ARHGEF11: variants seen among roughly 807,000 people sequenced by gnomAD.
ARHGEF11 encodes Rho guanine nucleotide exchange factor 11.
A neutral mutation model predicts 193.7 loss-of-function variants in ARHGEF11; 55 were observed. The observed-to-expected ratio is 0.28, with a 90% CI of 0.23 to 0.36. The LOEUF is 0.36. Ranked by LOEUF, ARHGEF11 falls within the 10% of genes least tolerant of loss-of-function variation. The probability of loss-of-function intolerance (pLI) is 1.00; values close to 1 mark genes in which losing one functional copy is unlikely to be tolerated. For missense variants in ARHGEF11, 1,723 were observed against 2,005.6 expected (o/e 0.86, Z 2.69); for synonymous variants, 693 against 768.0 (o/e 0.90, Z 1.62).
intron 1 of ARHGEF11, among the ~76,000 whole-genome samples, chr1:157,006,239 T>C (rs1431957774): frequency 6.6e-6 from 1 of 152,078 alleles, no homozygotes; most frequent in African/African-American, 2.4e-5. Flanking sequence ...CCCAAAGCAC[T>C]AGGATTATAG....
chr1:157,013,954 G>A (rs928531684), intron 1 of ARHGEF11, among the ~76,000 whole-genome samples: 23 of 152,088 alleles, frequency 1.5e-4, no homozygotes, highest in Non-Finnish European at 3.4e-4. Context: ...ACTAGCTCTG[G>A]AGAAAAGCTC....
At position 156,937,437 on chromosome 1, in the gene ARHGEF11, C is replaced by T. The variant is rs1479355873; in HGVS notation, c.4252G>A (p.Glu1418Lys). Residue 1418 changes from glutamate to lysine, a missense_variant, in exon 39 of 41, where the codon GAG (glutamate) becomes AAG (lysine). Physicochemically the swap from Glu to Lys is moderately conservative, Grantham distance 56 (BLOSUM62 1). Transcript: ENST00000368194. Reference protein sequence around the residue: ...GPPDSSTDHSEAPMSPPQPDS... With the variant: ...GPPDSSTDHSKAPMSPPQPDS... Reference sequence around the variant, plus strand: ...GGCTGAGGGGGGCTCATGGGTGCCTCTGAGTGGTCGGTGCTTGAGTCCGGG... The same window carrying T: ...GGCTGAGGGGGGCTCATGGGTGCCTTTGAGTGGTCGGTGCTTGAGTCCGGG... The T allele has an allele frequency of 1.3e-6, 2 of 1,569,462 alleles. No individual in the cohort carries two copies. Among genetic ancestry groups the T allele is most frequent in the Admixed American group, 3.8e-5 (2 of 52,500 alleles).
At chr1:156,989,466 C>T (rs1173792756) in intron 1 of ARHGEF11, among the ~76,000 whole-genome samples, 2 of 152,134 alleles carry the variant, frequency 1.3e-5, no homozygotes, top group African/African-American at 4.8e-5. Context: ...TATCATTTCT[C>T]TCCTTATTAT....
chr1:156,997,855 T>A (rs528319799), intron 1 of ARHGEF11, among the ~76,000 whole-genome samples: 9 of 152,222 alleles, frequency 5.9e-5, no homozygotes, highest in Admixed American at 2.0e-4. Flanking sequence ...CTGTATTATT[T>A]TTTTTTTTAC....
At chr1:156,949,345 T>C (rs1009411184) in intron 22 of ARHGEF11, among the ~76,000 whole-genome samples, 1 of 152,142 alleles carries the variant, frequency 6.6e-6, no homozygotes, top group South Asian at 2.1e-4. Flanking sequence ...CCCAGGATGG[T>C]CACCCCACCT....
chr1:156,977,203 TA>T, intron 6 of ARHGEF11, 149 bp from the exon 7 acceptor site: 1 of 698,450 alleles, frequency 1.4e-6, no homozygotes, highest in African/African-American at 1.8e-5. Flanking sequence ...CGGAATGCAG[TA>T]AACACAAAAT....
At chr1:156,951,767 TC>T (rs1557846970) in intron 21 of ARHGEF11, 68 bp from the exon 22 acceptor site, 1 of 1,597,342 alleles carries the variant, frequency 6.3e-7, no homozygotes, top group Non-Finnish European at 8.6e-7. Flanking sequence ...GGCTTGGACT[TC>T]CCCAGATCCC....
At position 156,936,810 on chromosome 1, in the gene ARHGEF11, A is replaced by C. The variant is rs779505757; in HGVS notation, c.4630+6T>G. The C allele has an allele frequency of 6.2e-7, 1 of 1,611,106 alleles. No homozygotes were observed. Among genetic ancestry groups the C allele is most frequent in the Non-Finnish European group, 8.5e-7 (1 of 1,178,080 alleles). ...TAGGAACCGAGAGGGACCTGGCTTC[A>C]CTCACCATCCTCAGGGCAGGGCCCC... On this transcript the variant is annotated splice_donor_region_variant and intron_variant, in intron 40 of 40. Transcript: ENST00000368194.
In ARHGEF11 at chr1:156,939,621, T is replaced by C. The variant is rs968849731; in HGVS notation, c.4023A>G (p.Pro1341=). 5.0e-6 allele frequency: 8 copies of C among 1,613,642 alleles called. No homozygotes were observed. The highest frequency in any genetic ancestry group is 5.9e-6 in the Non-Finnish European group (7 of 1,180,042). Residue 1341 remains proline (P), a synonymous_variant, in exon 37 of 41, where the codon CCA becomes CCG. Coordinates refer to ENST00000368194, the MANE Select transcript of ARHGEF11 (RefSeq NM_198236.3). ...CTTCAGCCAGATTCCTGTCCAGTTCTGGAGACTCCCATATCCCAGAATTTC... is the reference window on the plus strand; with the variant it reads ...CTTCAGCCAGATTCCTGTCCAGTTCCGGAGACTCCCATATCCCAGAATTTC... ...RTRNSGIWES[P]ELDRNLAEDA...
chr1:157,005,165 C>T (rs528318327), intron 1 of ARHGEF11, among the ~76,000 whole-genome samples: 2 of 152,314 alleles, frequency 1.3e-5, no homozygotes, highest in African/African-American at 4.8e-5. Flanking sequence ...TCCCTTCTTC[C>T]TTCCTGTGTT....
At chr1:157,024,732 G>T (rs1206627929) in intron 1 of ARHGEF11, among the ~76,000 whole-genome samples, 2 of 147,748 alleles carry the variant, frequency 1.4e-5, no homozygotes, top group Non-Finnish European at 3.0e-5. Flanking sequence ...TGGGTGAAAG[G>T]CAAAAAAAAA....
In ARHGEF11 at chr1:156,976,848, C is replaced by A. The variant is rs4504881; in HGVS notation, c.582+135G>T. ...GGCCAATGACAATTCTTTAGTGGTCCGGAAGTTTTATTTTTTGAGGTTTTA... is the reference window on the plus strand; with the variant it reads ...GGCCAATGACAATTCTTTAGTGGTCAGGAAGTTTTATTTTTTGAGGTTTTA... On this transcript the variant is annotated intron_variant, in intron 7 of 40. Coordinates refer to ENST00000368194, the MANE Select transcript of ARHGEF11 (RefSeq NM_198236.3). 7.5e-3 allele frequency: 5,733 copies of A among 761,210 alleles called. 257 individuals carry two copies. The African/African-American group carries it at 0.09, about 12-fold the overall frequency. 47.2% of individuals were successfully genotyped at this position (761,210 alleles called of 1,614,324 possible).
At chr1:156,960,030 T>A (rs1660599078) in intron 15 of ARHGEF11, among the ~76,000 whole-genome samples, 1 of 148,520 alleles carries the variant, frequency 6.7e-6, no homozygotes. Flanking sequence ...TTTTTTGAGT[T>A]CCCCAAGGGA....
intron 3 of ARHGEF11, 37 bp from the exon 4 acceptor site, chr1:156,980,523 C>T: frequency 6.4e-7 from 1 of 1,569,458 alleles, no homozygotes; most frequent in Non-Finnish European, 8.7e-7. Context: ...TGCCCAACAA[C>T]CTCTTCCACT....
chr1:156,951,923 C>A lies in ARHGEF11; in HGVS notation c.1799-224G>T, dbSNP rs1293065802. ...TTTCTGGGTTGATTCTTTCCTCATG[C>A]GCAAAATGAGAGGGTTTGGAAGTAT... On this transcript the variant is annotated intron_variant, in intron 21 of 40. Coordinates refer to ENST00000368194, the MANE Select transcript of ARHGEF11 (RefSeq NM_198236.3). Among the ~76,000 whole-genome samples, 6 of 152,028 alleles carry A rather than the reference C, an allele frequency of 3.9e-5. No homozygotes were observed. The South Asian group carries it at 1.0e-3, about 26-fold the overall frequency.
chr1:156,981,640 A>T (rs970801892), intron 3 of ARHGEF11, among the ~76,000 whole-genome samples: 2 of 151,948 alleles, frequency 1.3e-5, no homozygotes, highest in Non-Finnish European at 2.9e-5. Context: ...ACACATGCTA[A>T]TTTTTGTATT....
chr1:156,978,298 G>T lies in ARHGEF11; in HGVS notation c.416C>A (p.Ala139Glu), dbSNP rs750209448. Residue 139 changes from alanine (A) to glutamate (E), a missense_variant, in exon 6 of 41, where the codon GCA becomes GAA. Ala to Glu is a moderately radical substitution (Grantham distance 107). Transcript: ENST00000368194. ...CACTGACGTGATTCGGGGAGCTCCT[G>T]CTGGGGATGGGTCCTGCTGGAGCCC... ...ISGLQQDPSP[A>E]GAPRITSVIP... 6.2e-7 allele frequency: 1 copy of T among 1,614,128 alleles called. No homozygotes were observed. The highest frequency in any genetic ancestry group is 2.2e-5 in the East Asian group (1 of 44,876).
chr1:157,043,096 G>A (rs895514756), intron 1 of ARHGEF11, among the ~76,000 whole-genome samples: 16 of 152,328 alleles, frequency 1.1e-4, no homozygotes, highest in African/African-American at 2.6e-4. Context: ...ACAGAGATTA[G>A]TGCTTGAGAG....
At chr1:156,990,388 G>A (rs1665539822) in intron 1 of ARHGEF11, among the ~76,000 whole-genome samples, 1 of 152,136 alleles carries the variant, frequency 6.6e-6, no homozygotes, top group South Asian at 2.1e-4. Flanking sequence ...TTTTTCAATG[G>A]TAAAAATCTA....
Sources: gnomAD v4.1 joint callset for allele counts (sites outside exome capture counted in the v4.1 genomes callset) on GRCh38, gnomAD v4.1.1 for gene constraint, MANE v1.5 for transcripts, NCBI Gene and HGNC (gene_info 2026-07-23, HGNC 2026-07-21) for gene names.